The following SH3GL3 variants were observed in gnomAD, a reference collection of about 807,000 sequenced individuals.
SH3GL3 encodes the protein SH3 domain containing GRB2 like 3, endophilin A3, also known as endophilin-A3.
Under a neutral mutation model 47.7 loss-of-function variants are expected in SH3GL3, and 33 were observed. The ratio of observed to expected loss-of-function variants is 0.69; its 90% CI spans 0.52 to 0.92. SH3GL3 has a LOEUF of 0.92. SH3GL3 is among the 40% of genes least tolerant of loss of function. The probability of loss-of-function intolerance (pLI) is 0.00; values close to 1 mark genes in which losing one functional copy is unlikely to be tolerated. For synonymous variants in SH3GL3, 155 were observed against 148.8 expected (o/e 1.04, Z -0.30); for missense variants, 363 against 417.8 (o/e 0.87, Z 1.14).
chr15:83,477,750 C>T (rs768482312), intron 1 of SH3GL3, among the ~76,000 whole-genome samples: 1 of 152,080 alleles, frequency 6.6e-6, no homozygotes, highest in Non-Finnish European at 1.5e-5. Flanking sequence ...ATTTATTCTC[C>T]TTAGGAGACT....
intron 6 of SH3GL3, among the ~76,000 whole-genome samples, chr15:83,578,241 TTGAC>T (rs1191204952): frequency 1.3e-5 from 2 of 152,150 alleles, no homozygotes; most frequent in African/African-American, 2.4e-5. Context: ...CATTGGCACT[TTGAC>T]TGCCTGAGTG....
chr15:83,487,253 A>G (rs1477015621), intron 1 of SH3GL3, among the ~76,000 whole-genome samples: 1 of 148,660 alleles, frequency 6.7e-6, no homozygotes, highest in Admixed American at 6.8e-5. Flanking sequence ...TTTTCCTGCA[A>G]TGACATCAAT....
At chr15:83,519,071 G>A (rs2043104538) in intron 1 of SH3GL3, among the ~76,000 whole-genome samples, 2 of 151,352 alleles carry the variant, frequency 1.3e-5, no homozygotes, top group African/African-American at 2.4e-5. Flanking sequence ...AGTTACTGTA[G>A]CCTTATAGTA....
intron 1 of SH3GL3, among the ~76,000 whole-genome samples, chr15:83,492,855 C>G (rs183441412): frequency 1.3e-5 from 2 of 152,214 alleles, no homozygotes; most frequent in African/African-American, 4.8e-5. Context: ...TCTCACTTTC[C>G]GGCTCCCCTA....
chr15:83,563,429 C>T (rs2045379059), intron 2 of SH3GL3, among the ~76,000 whole-genome samples: 2 of 152,118 alleles, frequency 1.3e-5, no homozygotes, highest in African/African-American at 2.4e-5. Flanking sequence ...TTAATATGCC[C>T]ATTAATAAGC....
At chr15:83,508,349 C>T (rs1237861698) in intron 1 of SH3GL3, among the ~76,000 whole-genome samples, 1 of 151,996 alleles carries the variant, frequency 6.6e-6, no homozygotes, top group Admixed American at 6.6e-5. Context: ...GCTGGAAAAG[C>T]ATGCTTGGCA....
At chr15:83,511,403 A>T (rs1279956606) in intron 1 of SH3GL3, among the ~76,000 whole-genome samples, 1 of 152,214 alleles carries the variant, frequency 6.6e-6, no homozygotes, top group African/African-American at 2.4e-5. Context: ...AGAAAAAATA[A>T]GAACAAATAA....
intron 1 of SH3GL3, among the ~76,000 whole-genome samples, chr15:83,518,245 T>C (rs1038680119): frequency 1.3e-5 from 2 of 152,214 alleles, no homozygotes; most frequent in Admixed American, 6.5e-5. Flanking sequence ...TTCCTTTGGG[T>C]ATATGCCCAG....
intron 8 of SH3GL3, among the ~76,000 whole-genome samples, chr15:83,592,679 T>C (rs939547327): frequency 2.0e-5 from 3 of 152,242 alleles, no homozygotes; most frequent in African/African-American, 7.2e-5. Context: ...TTAAGCTCGC[T>C]GAGGAATCTT....
intron 1 of SH3GL3, among the ~76,000 whole-genome samples, chr15:83,543,338 A>G (rs148447549): frequency 1.3e-5 from 2 of 152,248 alleles, no homozygotes; most frequent in East Asian, 1.9e-4. Flanking sequence ...CTACTTGGTC[A>G]TGATGAATAA....
Position 83,618,355 on chromosome 15 carries a change from C to A in SH3GL3, c.*68C>A. The A allele has an allele frequency of 1.0e-6, 1 of 996,216 alleles. No individual in the cohort carries two copies. The highest frequency in any genetic ancestry group is 1.6e-6 in the Non-Finnish European group (1 of 621,790). 61.7% of individuals were successfully genotyped at this position (996,216 alleles called of 1,614,324 possible). On this transcript the variant is annotated 3_prime_UTR_variant, in exon 9 of 9. Transcript: ENST00000427482. ...AATTCACACCAGTGTGCTCTCAGTG[C>A]GGTGTTCTGTGACATCCTTTGCTCT...
At chr15:83,564,544 G>A (rs1353151753) in intron 2 of SH3GL3, among the ~76,000 whole-genome samples, 1 of 152,194 alleles carries the variant, frequency 6.6e-6, no homozygotes, top group Non-Finnish European at 1.5e-5. Flanking sequence ...TCCAGGAATG[G>A]TTTTGCAGAA....
At chr15:83,467,989 A>G (rs544571370) in intron 1 of SH3GL3, among the ~76,000 whole-genome samples, 7 of 151,996 alleles carry the variant, frequency 4.6e-5, no homozygotes, top group South Asian at 4.2e-4. Flanking sequence ...CACCACGCCC[A>G]GCTAATTTTC....
rs567727951 is a variant in SH3GL3 at position 83,560,239 on chromosome 15, C to T, written c.114+918C>T. ...GCAGGTGCTGGGGAAGGAAGTCCAG[C>T]CCCAGGCTGCGCACTGCCTGGGAGA... On this transcript the variant is annotated intron_variant, in intron 2 of 8. Coordinates refer to ENST00000427482, the MANE Select transcript of SH3GL3 (RefSeq NM_003027.5). Among the ~76,000 whole-genome samples, 3 of 152,296 alleles carry T rather than the reference C, an allele frequency of 2.0e-5. No homozygotes were observed. In the South Asian group the frequency reaches 6.2e-4, roughly 32 times the overall value.
intron 8 of SH3GL3, among the ~76,000 whole-genome samples, chr15:83,614,556 ACTGGTGGTTGTCAACCTACC>A (rs575633400): frequency 2.9e-4 from 44 of 152,234 alleles, no homozygotes; most frequent in African/African-American, 9.1e-4. Context: ...GGATCATTTC[ACTGGTGGTTGTCAACCTACC>A]CTGGACATAG....
rs181599788 is a variant in SH3GL3 at position 83,487,568 on chromosome 15, G to T, written c.45+39990G>T. 2.4e-3 allele frequency among the ~76,000 whole-genome samples: 371 copies of T among 152,168 alleles called. 1 individual carries two copies. Among genetic ancestry groups the T allele is most frequent in the Admixed American group, 5.2e-3 (79 of 15,286 alleles). The stretch of plus-strand genomic sequence containing the variant: ...TTTTTGCTCTTTTTTTTGAGGAACG[G>T]TTTCTGTCCTCTTGTGCTTCAAATT... On this transcript the variant is annotated intron_variant, in intron 1 of 8. Coordinates refer to ENST00000427482, the MANE Select transcript of SH3GL3 (RefSeq NM_003027.5).
chr15:83,506,569 T>C (rs956346628), intron 1 of SH3GL3, among the ~76,000 whole-genome samples: 1 of 152,238 alleles, frequency 6.6e-6, no homozygotes, highest in Non-Finnish European at 1.5e-5. Context: ...AGATGAGCTT[T>C]AGGATCCCTT....
chr15:83,473,237 G>C (rs1243568849), intron 1 of SH3GL3, among the ~76,000 whole-genome samples: 1 of 149,082 alleles, frequency 6.7e-6, no homozygotes, highest in Non-Finnish European at 1.5e-5. Context: ...GTGGGGGGGT[G>C]GGTGGGTGTT....
intron 8 of SH3GL3, among the ~76,000 whole-genome samples, chr15:83,610,276 C>A (rs758719319): frequency 1.3e-5 from 2 of 152,200 alleles, no homozygotes; most frequent in African/African-American, 2.4e-5. Flanking sequence ...GTAGCTCATG[C>A]CTGTAATTCC....
Sources: gnomAD v4.1 joint callset for allele counts (sites outside exome capture counted in the v4.1 genomes callset) on GRCh38, gnomAD v4.1.1 for gene constraint, MANE v1.5 for transcripts, NCBI Gene and HGNC (gene_info 2026-07-23, HGNC 2026-07-21) for gene names.